Variants in FSTL5 observed in about 807,000 individuals in gnomAD.
The protein encoded by FSTL5 is follistatin like 5.
In FSTL5, 62 loss-of-function variants were observed where a neutral mutation model predicts 89.1. The ratio of observed to expected loss-of-function variants is 0.70; its 90% CI spans 0.57 to 0.86. The LOEUF (loss-of-function observed/expected upper bound fraction) is 0.86. FSTL5 is among the 40% of genes least tolerant of loss of function. FSTL5 has a pLI of 0.00. For synonymous variants in FSTL5, 383 were observed against 346.2 expected, an observed-to-expected ratio of 1.11 and a Z score of -1.18; for missense variants, 1,057 against 1,001.6, an observed-to-expected ratio of 1.06 and a Z score of -0.75.
intron 13 of FSTL5, among the ~76,000 whole-genome samples, chr4:161,466,148 T>C (rs1180223161): frequency 2.0e-5 from 3 of 152,218 alleles, no homozygotes; most frequent in East Asian, 3.8e-4. Context: ...AAAAGCAATT[T>C]TTCTTTAACA....
chr4:161,623,829 T>C (rs1026428931), intron 7 of FSTL5, among the ~76,000 whole-genome samples: 14 of 152,008 alleles, frequency 9.2e-5, no homozygotes, highest in African/African-American at 3.1e-4. Flanking sequence ...TGAATTATCT[T>C]GCATTTTTTA....
At chr4:162,153,690 AATAT>A (rs72193623) in intron 1 of FSTL5, among the ~76,000 whole-genome samples, 6,739 of 96,058 alleles carry the variant, frequency 0.07, 418 homozygotes, top group East Asian at 0.15. Context: ...TGTATATAAT[AATAT>A]ATATGTATAT....
chr4:161,819,960 T>C (rs963868440), intron 4 of FSTL5, among the ~76,000 whole-genome samples: 1 of 151,820 alleles, frequency 6.6e-6, no homozygotes, highest in Non-Finnish European at 1.5e-5. Context: ...TTTTTTTAAC[T>C]TTTTCAGTAA....
chr4:161,548,610 C>G (rs1408831155), intron 8 of FSTL5, among the ~76,000 whole-genome samples: 1 of 151,758 alleles, frequency 6.6e-6, no homozygotes, highest in Non-Finnish European at 1.5e-5. Context: ...ATATATGTCA[C>G]ATGCAATTGT....
At position 161,656,405 on chromosome 4, in the gene FSTL5, G is replaced by T. The variant is rs2126682311; in HGVS notation, c.817C>A (p.Gln273Lys). 3 of 1,611,128 alleles carry T rather than the reference G, an allele frequency of 1.9e-6. No homozygotes were observed. Among genetic ancestry groups the T allele is most frequent in the Non-Finnish European group, 2.5e-6 (3 of 1,177,834 alleles). ...ATAATGGGAGGTCTCAGGGTTCCTT[G>T]AATGGCACAGCTCAGAACAGCACTT... Reference protein sequence around the residue: ...GQSAVLSCAIQGTLRPPIIWK... With the variant: ...GQSAVLSCAIKGTLRPPIIWK... Residue 273 changes from glutamine (Q) to lysine (K), a missense_variant, in exon 7 of 16, where the codon CAA (glutamine) becomes AAA (lysine). Gln to Lys is a moderately conservative substitution (Grantham distance 53). Around this residue, in one of 3 missense-constraint regions of FSTL5, gnomAD observed 980 missense variants for 903.2 expected, o/e 1.08. Transcript: ENST00000306100.
At chr4:162,153,688 ATAATATATATGTATAT>A (rs1733331518) in intron 1 of FSTL5, among the ~76,000 whole-genome samples, 2 of 128,686 alleles carry the variant, frequency 1.6e-5, no homozygotes, top group Admixed American at 1.6e-4. Context: ...TATGTATATA[ATAATATATATGTATAT>A]TATATATGTA....
intron 11 of FSTL5, among the ~76,000 whole-genome samples, chr4:161,509,522 T>A (rs1395031661): frequency 6.6e-6 from 1 of 152,078 alleles, no homozygotes; most frequent in Non-Finnish European, 1.5e-5. Flanking sequence ...ATAAGTGGAC[T>A]GCTTCATCCT....
chr4:161,538,586 G>A (rs1731712596), intron 9 of FSTL5, among the ~76,000 whole-genome samples: 1 of 151,916 alleles, frequency 6.6e-6, no homozygotes, highest in African/African-American at 2.4e-5. Flanking sequence ...ATATTGATAA[G>A]TATAATTTCA....
chr4:161,786,088 G>T lies in FSTL5; in HGVS notation c.410-10014C>A, dbSNP rs62330829. On this transcript the variant is annotated intron_variant, in intron 4 of 15. Transcript: ENST00000306100. Reference sequence around the variant, plus strand: ...CATTTATGAATGTTTATTGACATCTGACCTTGTCTTTATCAGATTTAACAC... The same window carrying T: ...CATTTATGAATGTTTATTGACATCTTACCTTGTCTTTATCAGATTTAACAC... 8.0e-3 allele frequency among the ~76,000 whole-genome samples: 1,210 copies of T among 151,914 alleles called. 8 individuals carry two copies. The highest frequency in any genetic ancestry group is 0.012 in the South Asian group (58 of 4,814).
chr4:162,061,253 T>C (rs1738708941), intron 2 of FSTL5, among the ~76,000 whole-genome samples: 1 of 151,978 alleles, frequency 6.6e-6, no homozygotes, highest in Non-Finnish European at 1.5e-5. Flanking sequence ...GTAAAGACGG[T>C]CACTTCCCTA....
At chr4:162,022,401 A>G (rs1737122963) in intron 3 of FSTL5, among the ~76,000 whole-genome samples, 1 of 151,966 alleles carries the variant, frequency 6.6e-6, no homozygotes, top group East Asian at 1.9e-4. Context: ...TATCCTCCAT[A>G]CCAAGAGTTT....
chr4:162,033,724 A>C, intron 2 of FSTL5, 66 bp from the exon 3 acceptor site: 1 of 866,462 alleles, frequency 1.2e-6, no homozygotes, highest in South Asian at 1.6e-5. Flanking sequence ...TTTCATATAA[A>C]GTTTCACTAT....
At chr4:161,702,903 C>T (rs1738447101) in intron 6 of FSTL5, among the ~76,000 whole-genome samples, 1 of 152,044 alleles carries the variant, frequency 6.6e-6, no homozygotes, top group Non-Finnish European at 1.5e-5. Flanking sequence ...CTAATCCCCA[C>T]TACCCATGAA....
chr4:161,978,917 C>T (rs1211262084), intron 3 of FSTL5, among the ~76,000 whole-genome samples: 1 of 152,110 alleles, frequency 6.6e-6, no homozygotes, highest in African/African-American at 2.4e-5. Flanking sequence ...AGTTTTATCA[C>T]TTAGTTTAAA....
chr4:161,565,533 C>G (rs541923717), intron 8 of FSTL5, among the ~76,000 whole-genome samples: 2 of 151,720 alleles, frequency 1.3e-5, no homozygotes, highest in Admixed American at 1.3e-4. Flanking sequence ...TTTAAGCAGG[C>G]CAGAAATGAA....
intron 3 of FSTL5, among the ~76,000 whole-genome samples, chr4:161,950,304 G>T (rs1165985962): frequency 6.6e-6 from 1 of 152,100 alleles, no homozygotes; most frequent in African/African-American, 2.4e-5. Context: ...TAATTCCTGA[G>T]GAATTCTATT....
chr4:161,769,636 AC>A (rs1256400976), intron 5 of FSTL5, among the ~76,000 whole-genome samples: 1 of 151,950 alleles, frequency 6.6e-6, no homozygotes, highest in African/African-American at 2.4e-5. Flanking sequence ...AATATTCAAC[AC>A]CCTTCATGAT....
chr4:161,741,210 G>C (rs2126771858), intron 6 of FSTL5, among the ~76,000 whole-genome samples: 1 of 152,250 alleles, frequency 6.6e-6, no homozygotes, highest in African/African-American at 2.4e-5. Flanking sequence ...ACAGGGCAAA[G>C]GGGAATTAAA....
At chr4:161,859,128 C>T (rs1441342117) in intron 4 of FSTL5, among the ~76,000 whole-genome samples, 1 of 152,146 alleles carries the variant, frequency 6.6e-6, no homozygotes, top group African/African-American at 2.4e-5. Flanking sequence ...AACATTCATT[C>T]TATCAAAAAT....
Sources: gnomAD v4.1 joint callset for allele counts (sites outside exome capture counted in the v4.1 genomes callset) on GRCh38, gnomAD v4.1.1 for gene constraint, gnomAD v4.1.1 regional missense constraint, MANE v1.5 for transcripts, NCBI Gene and HGNC (gene_info 2026-07-23, HGNC 2026-07-21) for gene names.